ASXL2: variants seen among roughly 807,000 people sequenced by gnomAD.
ASXL2 encodes the protein putative Polycomb group protein ASXL2.
ASXL2 carries 23 observed loss-of-function variants against 122.0 expected under a neutral mutation model. The observed-to-expected ratio is 0.19, with a 90% CI of 0.14 to 0.27. The LOEUF (loss-of-function observed/expected upper bound fraction) is 0.27, where lower values mean the gene tolerates loss of function less well. ASXL2 is among the 10% of genes least tolerant of loss of function. ASXL2 has a pLI of 1.00. For missense variants in ASXL2, 1,518 were observed against 1,713.8 expected, an observed-to-expected ratio of 0.89 and a Z score of 2.02; for synonymous variants, 650 against 637.0, an observed-to-expected ratio of 1.02 and a Z score of -0.31.
chr2:25,844,124 T>C (rs967271710), intron 2 of ASXL2, among the ~76,000 whole-genome samples: 1 of 152,220 alleles, frequency 6.6e-6, no homozygotes, highest in Non-Finnish European at 1.5e-5. Flanking sequence ...CCAAGAGTGT[T>C]ACACAATGCC....
chr2:25,871,799 TA>T (rs2089963899), intron 1 of ASXL2, among the ~76,000 whole-genome samples: 1 of 152,172 alleles, frequency 6.6e-6, no homozygotes, highest in African/African-American at 2.4e-5. Flanking sequence ...GAACTTTAAA[TA>T]ATATGGCAAG....
intron 1 of ASXL2, among the ~76,000 whole-genome samples, chr2:25,855,880 T>C (rs1258524649): frequency 2.7e-5 from 4 of 145,720 alleles, no homozygotes; most frequent in Non-Finnish European, 6.0e-5. Context: ...ATCTTGATAA[T>C]GCATTTATTT....
chr2:25,750,478 A>G (rs1231935284), intron 11 of ASXL2, 65 bp from the exon 12 acceptor site: 3 of 1,375,826 alleles, frequency 2.2e-6, no homozygotes, highest in Non-Finnish European at 3.0e-6. Context: ...GCATTCATTA[A>G]TAGAGATAAT....
At chr2:25,845,426 C>T (rs1283521068) in intron 2 of ASXL2, 55 bp downstream of exon 2, 19 of 1,326,088 alleles carry the variant, frequency 1.4e-5, no homozygotes, top group Middle Eastern at 2.3e-4. Context: ...TTATATACTA[C>T]CAAATACTCT....
rs546556944 is a variant in ASXL2, at chr2:25,739,374, T to G, written c.*2655A>C. On this transcript the variant is annotated 3_prime_UTR_variant, in exon 13 of 13. Transcript: ENST00000435504. The stretch of plus-strand genomic sequence containing the variant: ...AAAAGGCCAGATTGTAATGTGTTTT[T>G]TTTTTTTTTAATTTTTCTGTTCAGC... 14 of 176,752 alleles carry G rather than the reference T, an allele frequency of 7.9e-5. No individual in the cohort carries two copies. The East Asian group carries it at 1.3e-3, about 17-fold the overall frequency. 10.9% of individuals were successfully genotyped at this position (176,752 alleles called of 1,614,324 possible).
intron 8 of ASXL2, among the ~76,000 whole-genome samples, chr2:25,766,461 C>T (rs930805071): frequency 2.0e-5 from 3 of 152,178 alleles, no homozygotes; most frequent in African/African-American, 7.2e-5. Context: ...CCTACTGAAC[C>T]TCTTTTTAAC....
chr2:25,850,464 C>A (rs1047434804), intron 1 of ASXL2, among the ~76,000 whole-genome samples: 2 of 152,122 alleles, frequency 1.3e-5, no homozygotes, highest in African/African-American at 2.4e-5. Context: ...GTCCTCTGTC[C>A]CTTGCATTTC....
chr2:25,743,554 G>A lies in ASXL2; in HGVS notation c.2783C>T (p.Thr928Ile). ...ATTCATGTTTAAAGAAGTTCCTGGGGTTTTAAGGCTAGAAGCTGCTGGCAA... is the reference window on the plus strand; with the variant it reads ...ATTCATGTTTAAAGAAGTTCCTGGGATTTTAAGGCTAGAAGCTGCTGGCAA... ...STLPAASSLK[T>I]PGTSLNMNGP... Residue 928 changes from threonine to isoleucine, a missense_variant, in exon 13 of 13, where the codon ACC (threonine) becomes ATC (isoleucine). Coordinates refer to ENST00000435504, the MANE Select transcript of ASXL2 (RefSeq NM_018263.6). 6.2e-7 allele frequency: 1 copy of A among 1,613,996 alleles called. No individual in the cohort carries two copies.
At chr2:25,818,906 C>A (rs1218410319) in intron 3 of ASXL2, among the ~76,000 whole-genome samples, 4 of 152,050 alleles carry the variant, frequency 2.6e-5, no homozygotes, top group Non-Finnish European at 5.9e-5. Context: ...TTCTAATAAT[C>A]AAAAAAGAAC....
chr2:25,769,417 T>G (rs888024720), intron 6 of ASXL2, among the ~76,000 whole-genome samples: 11 of 152,246 alleles, frequency 7.2e-5, no homozygotes, highest in Admixed American at 4.6e-4. Flanking sequence ...GCAATGAGAT[T>G]TGTCCCAATT....
chr2:25,763,599 AAGG>A (rs1211592880), intron 8 of ASXL2, among the ~76,000 whole-genome samples: 1 of 152,216 alleles, frequency 6.6e-6, no homozygotes, highest in Admixed American at 6.5e-5. Flanking sequence ...AGGTCAAAAA[AAGG>A]AGGTCTCAGT....
At chr2:25,793,340 C>T (rs1373109819) in intron 5 of ASXL2, among the ~76,000 whole-genome samples, 3 of 152,166 alleles carry the variant, frequency 2.0e-5, no homozygotes, top group Non-Finnish European at 4.4e-5. Flanking sequence ...TATTTACATA[C>T]TGCTCACTGA....
chr2:25,878,114 C>A, intron 1 of ASXL2, 52 bp downstream of exon 1: 1 of 1,605,900 alleles, frequency 6.2e-7, no homozygotes, highest in Non-Finnish European at 8.5e-7. Context: ...GACTGGCGGG[C>A]GACAAGGGAA....
At chr2:25,829,657 A>C (rs1008469540) in intron 3 of ASXL2, among the ~76,000 whole-genome samples, 1 of 152,230 alleles carries the variant, frequency 6.6e-6, no homozygotes, top group African/African-American at 2.4e-5. Context: ...AATTTTACCA[A>C]TTCCTGGCAT....
intron 1 of ASXL2, among the ~76,000 whole-genome samples, chr2:25,869,869 C>A (rs2089948555): frequency 6.7e-6 from 1 of 148,384 alleles, no homozygotes; most frequent in African/African-American, 2.5e-5. Flanking sequence ...TAATCAGGGA[C>A]CGATTTTTTT....
At chr2:25,843,859 GAAAT>G (rs1360090685) in intron 2 of ASXL2, among the ~76,000 whole-genome samples, 2 of 137,580 alleles carry the variant, frequency 1.5e-5, no homozygotes, top group Non-Finnish European at 1.6e-5. Flanking sequence ...GAAAAAATGA[GAAAT>G]AAAATCTAGA....
intron 1 of ASXL2, among the ~76,000 whole-genome samples, chr2:25,846,953 G>C (rs994885100): frequency 6.6e-6 from 1 of 152,192 alleles, no homozygotes; most frequent in African/African-American, 2.4e-5. Context: ...TCAGACAAAA[G>C]TAGCTATTAT....
At chr2:25,805,643 T>C (rs985465192) in intron 4 of ASXL2, among the ~76,000 whole-genome samples, 3 of 152,120 alleles carry the variant, frequency 2.0e-5, no homozygotes, top group Non-Finnish European at 2.9e-5. Flanking sequence ...CTTAAAACAC[T>C]AGAAGTCATT....
intron 3 of ASXL2, among the ~76,000 whole-genome samples, chr2:25,833,871 C>T (rs893691285): frequency 6.6e-6 from 1 of 152,150 alleles, no homozygotes. Flanking sequence ...TTTAGCCCAG[C>T]TGCAGTGTCT....
Sources: allele counts gnomAD v4.1 joint callset (sites outside exome capture counted in the v4.1 genomes callset), GRCh38; gene constraint gnomAD v4.1.1; transcripts MANE v1.5; gene names NCBI Gene and HGNC (gene_info 2026-07-23, HGNC 2026-07-21).